PTPN6: variants seen among roughly 807,000 people sequenced by gnomAD.
PTPN6 encodes tyrosine-protein phosphatase non-receptor type 6.
PTPN6 carries 18 observed loss-of-function variants against 81.5 expected under a neutral mutation model. That is an observed-to-expected ratio of 0.22 (90% confidence interval 0.15 to 0.33). The LOEUF (loss-of-function observed/expected upper bound fraction) is 0.33, where lower values mean the gene tolerates loss of function less well. Among genes scored for constraint, PTPN6 ranks in the 10% least tolerant of loss-of-function variants. The pLI is 1.00. For missense variants in PTPN6, 500 were observed against 794.2 expected, an observed-to-expected ratio of 0.63 and a Z score of 4.45; for synonymous variants, 301 against 310.9, an observed-to-expected ratio of 0.97 and a Z score of 0.33.
chr12:6,952,261 A>G lies in PTPN6; in HGVS notation c.326+84A>G. The G allele has an allele frequency of 1.3e-6, 2 of 1,529,540 alleles. No individual in the cohort carries two copies. Among genetic ancestry groups the G allele is most frequent in the Non-Finnish European group, 1.8e-6 (2 of 1,109,354 alleles). 94.7% of individuals were successfully genotyped at this position (1,529,540 alleles called of 1,614,324 possible). On this transcript the variant is annotated intron_variant, in intron 3 of 15. Coordinates refer to ENST00000318974, the MANE Select transcript of PTPN6 (RefSeq NM_002831.6). The surrounding 1 kb of genome is among the most constrained non-coding windows in gnomAD (Gnocchi z 8.1). Reference sequence around the variant, plus strand: ...CAGCCAGGGAGGCAGGGAGACTGGCAGCCGGCGCTGCCTACCCTCCATCCC... The same window carrying G: ...CAGCCAGGGAGGCAGGGAGACTGGCGGCCGGCGCTGCCTACCCTCCATCCC...
chr12:6,958,605 G>C lies in PTPN6; in HGVS notation c.1361+532G>C, dbSNP rs115609406. On this transcript the variant is annotated intron_variant, in intron 11 of 15. Transcript: ENST00000318974. ...GCCCCATCCTGGCCCCCAGGGCTGT[G>C]TGGGGATGGGTGATGCTTCTTTGGG... Among the ~76,000 whole-genome samples, 1,142 of 152,364 alleles carry C rather than the reference G, an allele frequency of 7.5e-3. 6 individuals are homozygous for C. The highest frequency in any genetic ancestry group is 0.026 in the African/African-American group (1,087 of 41,582).
rs1555148822 is a variant in PTPN6, at chr12:6,957,015, G to A, written c.1074+447G>A. On this transcript the variant is annotated intron_variant, in intron 9 of 15. Coordinates refer to ENST00000318974, the MANE Select transcript of PTPN6 (RefSeq NM_002831.6). The surrounding 1 kb of genome is among the most constrained non-coding windows in gnomAD (Gnocchi z 6.5). ...TCCTGGTCACCTTTGGGATAAAGTC[G>A]CACTCTAAGGCCTGGCATTCAAGGT... Among the ~76,000 whole-genome samples, 3 of 152,112 alleles carry A rather than the reference G, an allele frequency of 2.0e-5. No homozygotes were observed. Among genetic ancestry groups the A allele is most frequent in the Non-Finnish European group, 2.9e-5 (2 of 68,016 alleles).
At position 6,957,062 on chromosome 12, in the gene PTPN6, G is replaced by A. The variant is rs1453244873; in HGVS notation, c.1074+494G>A. Among the ~76,000 whole-genome samples, 1 of 152,162 alleles carries A rather than the reference G, an allele frequency of 6.6e-6. No homozygotes were observed. Among genetic ancestry groups the A allele is most frequent in the Non-Finnish European group, 1.5e-5 (1 of 68,016 alleles). On this transcript the variant is annotated intron_variant, in intron 9 of 15. Coordinates refer to ENST00000318974, the MANE Select transcript of PTPN6 (RefSeq NM_002831.6). The surrounding 1 kb of genome is among the most constrained non-coding windows in gnomAD (Gnocchi z 6.5). ...AGGTCTGGTGGCTTCCCTCTGACCC[G>A]CACGCTTCTCTTGAAGGCTCACCGC...
Position 6,960,798 on chromosome 12 carries a change from G to T in PTPN6, c.1674-8G>T. On this transcript the variant is annotated splice_polypyrimidine_tract_variant and splice_region_variant and intron_variant, in intron 14 of 15. Coordinates refer to ENST00000318974, the MANE Select transcript of PTPN6 (RefSeq NM_002831.6). This position sits in a 1 kb window ranked among gnomAD's most constrained non-coding sequence, Gnocchi z 6.1. ...TGCCTGTACTTGCCCCCCTGCACCC[G>T]GCTGCAGACACAAGGAGGATGTGTA... The T allele has an allele frequency of 6.4e-7, 1 of 1,557,512 alleles. No individual in the cohort carries two copies. The highest frequency in any genetic ancestry group is 2.4e-5 in the East Asian group (1 of 41,490).
Position 6,957,904 on chromosome 12 carries a change from A to T in PTPN6, c.1207-15A>T. 6.2e-7 allele frequency: 1 copy of T among 1,613,888 alleles called. No homozygotes were observed. The highest frequency in any genetic ancestry group is 8.5e-7 in the Non-Finnish European group (1 of 1,179,982). ...CGAGAGAGGAGGGGGCACTGACCCT[A>T]TGTCCTCGGCTTAGGGAGACCTGAT... On this transcript the variant is annotated splice_polypyrimidine_tract_variant and intron_variant, in intron 10 of 15. Coordinates refer to ENST00000318974, the MANE Select transcript of PTPN6 (RefSeq NM_002831.6). The surrounding 1 kb of genome is among the most constrained non-coding windows in gnomAD (Gnocchi z 6.5).
chr12:6,954,763 C>T lies in PTPN6; in HGVS notation c.327-42C>T. ...GAATGTCTCTGCTCAGCGCCTTCCC[C>T]TGTGGCCTGGGTCTTACCTTCCCTG... On this transcript the variant is annotated intron_variant, in intron 3 of 15. Coordinates refer to ENST00000318974, the MANE Select transcript of PTPN6 (RefSeq NM_002831.6). This position sits in a 1 kb window ranked among gnomAD's most constrained non-coding sequence, Gnocchi z 5.4. The T allele has an allele frequency of 6.3e-7, 1 of 1,594,424 alleles. No homozygotes were observed.
rs1339846179 is a variant in PTPN6, at chr12:6,952,768, CG to C, written c.326+594del. ...CTGTGTAAAGTGTCTCACGCTGTCC[CG>C]GGCACAGAGTAATACTCCAGGCATT... is the stretch of plus-strand genomic sequence containing the variant. On this transcript the variant is annotated intron_variant, in intron 3 of 15. Coordinates refer to ENST00000318974, the MANE Select transcript of PTPN6 (RefSeq NM_002831.6). The surrounding 1 kb of genome is among the most constrained non-coding windows in gnomAD (Gnocchi z 8.1). The C allele has an allele frequency of 1.8e-5, 3 of 164,322 alleles. No individual in the cohort carries two copies. The highest frequency in any genetic ancestry group is 1.2e-4 in the Admixed American group (2 of 17,058). The allele number at this position is 164,322 out of a possible 1,614,324, so 10.2% of individuals were successfully genotyped here. A position where few individuals can be genotyped will look rare whatever the true frequency, so the allele number is the denominator to read the frequency against.
intron 3 of PTPN6, among the ~76,000 whole-genome samples, chr12:6,953,775 C>T (rs782091384): frequency 2.6e-5 from 4 of 152,210 alleles, no homozygotes; most frequent in Non-Finnish European, 4.4e-5. Flanking sequence ...TGTCCCCAGG[C>T]GGTGGGCTGA....
intron 15 of PTPN6, 60 bp from the exon 16 acceptor site, chr12:6,961,066 T>A (rs1214590196): frequency 1.4e-6 from 2 of 1,458,882 alleles, no homozygotes; most frequent in Non-Finnish European, 9.3e-7. Flanking sequence ...CCCCAGACCC[T>A]CTTGTTCCAC....
At position 6,955,824 on chromosome 12, in the gene PTPN6, C is replaced by A; in HGVS notation, c.844+68C>A. On this transcript the variant is annotated intron_variant, in intron 7 of 15. Transcript: ENST00000318974. This position sits in a 1 kb window ranked among gnomAD's most constrained non-coding sequence, Gnocchi z 7.2. The stretch of plus-strand genomic sequence containing the variant: ...GCCCCAGCTGCCTCCCCTCATCTCA[C>A]AGGTCTCCACCCTCCACGCCAGGAG... 1 of 1,422,744 alleles carries A rather than the reference C, an allele frequency of 7.0e-7. No individual in the cohort carries two copies. Among genetic ancestry groups the A allele is most frequent in the Non-Finnish European group, 9.9e-7 (1 of 1,008,654 alleles). The allele number at this position is 1,422,744 out of a possible 1,614,324, so 88.1% of individuals were successfully genotyped here.
Position 6,951,575 on chromosome 12 carries a change from G to C in PTPN6, c.9-34G>C. 6.2e-7 allele frequency: 1 copy of C among 1,613,946 alleles called. No individual in the cohort carries two copies. The highest frequency in any genetic ancestry group is 8.5e-7 in the Non-Finnish European group (1 of 1,179,974). On this transcript the variant is annotated intron_variant, in intron 1 of 15. Transcript: ENST00000318974. This position sits in a 1 kb window ranked among gnomAD's most constrained non-coding sequence, Gnocchi z 7.2. ...AGGCAAGGGTGCCTGGTGCCCACGG[G>C]ACCCCTCCTCACTGCCCTGCCTGGG...
chr12:6,955,871 C>A lies in PTPN6; in HGVS notation c.844+115C>A, dbSNP rs187951031. The A allele has an allele frequency of 8.9e-6, 9 of 1,009,784 alleles. No individual in the cohort carries two copies. Among genetic ancestry groups the A allele is most frequent in the Non-Finnish European group, 1.4e-5 (9 of 650,552 alleles). 62.6% of individuals were successfully genotyped at this position (1,009,784 alleles called of 1,614,324 possible). On this transcript the variant is annotated intron_variant, in intron 7 of 15. Coordinates refer to ENST00000318974, the MANE Select transcript of PTPN6 (RefSeq NM_002831.6). This position sits in a 1 kb window ranked among gnomAD's most constrained non-coding sequence, Gnocchi z 7.2. ...GGAGGGGCCATCTCCCCACACCCCC[C>A]ACAGAGCCTCCCCCTTCTCCAAAAG...
chr12:6,951,138 C>A, upstream of PTPN6: 1 of 985,700 alleles, frequency 1.0e-6, no homozygotes, highest in Non-Finnish European at 1.4e-6. This position sits in a 1 kb window ranked among gnomAD's most constrained non-coding sequence, Gnocchi z 7.2. Flanking sequence ...GCAAGGCACA[C>A]ATGTGTCCTT....
rs1277293282 is a variant in PTPN6 at position 6,957,298 on chromosome 12, G to A, written c.1075-356G>A. Among the ~76,000 whole-genome samples the A allele has an allele frequency of 6.6e-6, 1 of 152,234 alleles. No homozygotes were observed. The highest frequency in any genetic ancestry group is 1.5e-5 in the Non-Finnish European group (1 of 68,044). On this transcript the variant is annotated intron_variant, in intron 9 of 15. Transcript: ENST00000318974. The surrounding 1 kb of genome is among the most constrained non-coding windows in gnomAD (Gnocchi z 6.5). The stretch of plus-strand genomic sequence containing the variant: ...GTCTTTCCCAGCCACGCTCCTCAGC[G>A]CGGTGTCTCCCCCGGTCACCTGTCT...
At chr12:6,958,683 T>C (rs1946076855) in intron 11 of PTPN6, among the ~76,000 whole-genome samples, 1 of 152,128 alleles carries the variant, frequency 6.6e-6, no homozygotes, top group Non-Finnish European at 1.5e-5. Flanking sequence ...TCAGGAGACC[T>C]CTGGTAAGGT....
At position 6,955,101 on chromosome 12, in the gene PTPN6, C is replaced by T; in HGVS notation, c.517-50C>T. On this transcript the variant is annotated intron_variant, in intron 4 of 15. Coordinates refer to ENST00000318974, the MANE Select transcript of PTPN6 (RefSeq NM_002831.6). The surrounding 1 kb of genome is among the most constrained non-coding windows in gnomAD (Gnocchi z 7.2). ...GGGCTTGAATTCAAGGCTGGGGACC[C>T]AGGGAGGGAGACTCAAGTCCTGTGA... 6.2e-7 allele frequency: 1 copy of T among 1,609,530 alleles called. No homozygotes were observed. Among genetic ancestry groups the T allele is most frequent in the Non-Finnish European group, 8.5e-7 (1 of 1,175,844 alleles).
At chr12:6,958,958 T>G (rs1039798190) in intron 11 of PTPN6, among the ~76,000 whole-genome samples, 1 of 152,190 alleles carries the variant, frequency 6.6e-6, no homozygotes. Context: ...GTTACTAGTT[T>G]AGTAACTCAC....
At position 6,957,902 on chromosome 12, in the gene PTPN6, C is replaced by G; in HGVS notation, c.1207-17C>G. 6.2e-7 allele frequency: 1 copy of G among 1,614,062 alleles called. No individual in the cohort carries two copies. On this transcript the variant is annotated splice_polypyrimidine_tract_variant and intron_variant, in intron 10 of 15. Transcript: ENST00000318974. The surrounding 1 kb of genome is among the most constrained non-coding windows in gnomAD (Gnocchi z 6.5). Reference sequence around the variant, plus strand: ...TCCGAGAGAGGAGGGGGCACTGACCCTATGTCCTCGGCTTAGGGAGACCTG... The same window carrying G: ...TCCGAGAGAGGAGGGGGCACTGACCGTATGTCCTCGGCTTAGGGAGACCTG...
chr12:6,952,238 G>A lies in PTPN6; in HGVS notation c.326+61G>A. ...GATGAGCCGGCTCCCACCCTGAACA[G>A]CCAGGGAGGCAGGGAGACTGGCAGC... On this transcript the variant is annotated intron_variant, in intron 3 of 15. Transcript: ENST00000318974. This position sits in a 1 kb window ranked among gnomAD's most constrained non-coding sequence, Gnocchi z 8.1. 2 of 1,591,594 alleles carry A rather than the reference G, an allele frequency of 1.3e-6. No homozygotes were observed. Among genetic ancestry groups the A allele is most frequent in the East Asian group, 4.5e-5 (2 of 44,788 alleles).
Sources: allele counts gnomAD v4.1 joint callset (sites outside exome capture counted in the v4.1 genomes callset), GRCh38; gene constraint gnomAD v4.1.1; non-coding constraint Gnocchi (gnomAD v3.1); transcripts MANE v1.5; gene names NCBI Gene and HGNC (gene_info 2026-07-23, HGNC 2026-07-21).